Variants in MCTP1 observed in about 807,000 individuals in gnomAD.
MCTP1 encodes the protein multiple C2 and transmembrane domain containing 1, also known as multiple C2 and transmembrane domain-containing protein 1.
MCTP1 carries 69 observed loss-of-function variants against 120.6 expected under a neutral mutation model. The ratio of observed to expected loss-of-function variants is 0.57; its 90% CI spans 0.47 to 0.70. The LOEUF is 0.70. Among genes scored for constraint, MCTP1 ranks in the 30% least tolerant of loss-of-function variants. The probability of loss-of-function intolerance (pLI) is 0.00; values close to 1 mark genes in which losing one functional copy is unlikely to be tolerated. For missense variants in MCTP1, 1,203 were observed against 1,248.8 expected, an observed-to-expected ratio of 0.96 and a Z score of 0.55; for synonymous variants, 529 against 493.1, an observed-to-expected ratio of 1.07 and a Z score of -0.96.
At chr5:94,953,460 G>C (rs775840470) in intron 2 of MCTP1, 99 bp from the exon 3 acceptor site, 30 of 961,434 alleles carry the variant, frequency 3.1e-5, no homozygotes, top group Non-Finnish European at 3.1e-5. Context: ...AGGAAGAAAA[G>C]TTAAATGAAA....
intron 17 of MCTP1, among the ~76,000 whole-genome samples, chr5:94,845,432 C>T (rs566289436): frequency 1.1e-4 from 17 of 152,286 alleles, no homozygotes; most frequent in African/African-American, 2.9e-4. Flanking sequence ...CTCCAAGACA[C>T]GTGGGGATTA....
At chr5:95,168,169 CTGTTTT>C (rs1746690769) in intron 1 of MCTP1, among the ~76,000 whole-genome samples, 1 of 152,078 alleles carries the variant, frequency 6.6e-6, no homozygotes, top group South Asian at 2.1e-4. Context: ...TCCCCATTTC[CTGTTTT>C]TGTCAGGTTT....
chr5:94,736,173 A>G (rs1764189894), intron 19 of MCTP1, among the ~76,000 whole-genome samples: 1 of 152,254 alleles, frequency 6.6e-6, no homozygotes, highest in African/African-American at 2.4e-5. Context: ...CAATATTGCT[A>G]TGGTAGCACA....
intron 1 of MCTP1, among the ~76,000 whole-genome samples, chr5:95,194,675 C>T (rs914731926): frequency 2.0e-5 from 3 of 152,100 alleles, no homozygotes; most frequent in Admixed American, 6.5e-5. Flanking sequence ...ATGACACCCA[C>T]GTGAAAGAAA....
At chr5:95,277,942 A>G (rs560022169) in intron 1 of MCTP1, among the ~76,000 whole-genome samples, 1 of 152,268 alleles carries the variant, frequency 6.6e-6, no homozygotes, top group South Asian at 2.1e-4. Flanking sequence ...ACAGTTTTCC[A>G]TATTGCAATA....
At chr5:94,863,865 G>C (rs1041860097) in intron 17 of MCTP1, among the ~76,000 whole-genome samples, 1 of 151,064 alleles carries the variant, frequency 6.6e-6, no homozygotes, top group African/African-American at 2.4e-5. Context: ...GCTGCCTCAT[G>C]TCATTCTTTG....
intron 1 of MCTP1, among the ~76,000 whole-genome samples, chr5:95,215,072 T>C (rs1752886292): frequency 6.6e-6 from 1 of 152,202 alleles, no homozygotes; most frequent in Admixed American, 6.5e-5. Flanking sequence ...TAATTGTCTC[T>C]TTGCCCATAA....
At chr5:94,998,915 T>C (rs1400784556) in intron 2 of MCTP1, among the ~76,000 whole-genome samples, 2 of 152,148 alleles carry the variant, frequency 1.3e-5, no homozygotes, top group Non-Finnish European at 2.9e-5. Flanking sequence ...AATGCCACTG[T>C]TTCCTTCCCT....
intron 22 of MCTP1, 115 bp from the exon 23 acceptor site, chr5:94,707,682 C>A: frequency 4.1e-6 from 3 of 737,228 alleles, no homozygotes; most frequent in Non-Finnish European, 7.2e-6. Context: ...ACTCTAGAAG[C>A]TGTATGGGAT....
intron 1 of MCTP1, among the ~76,000 whole-genome samples, chr5:95,190,237 G>T (rs1056657338): frequency 2.6e-5 from 4 of 152,050 alleles, no homozygotes; most frequent in African/African-American, 9.7e-5. Context: ...TGGAAATTCT[G>T]ATGTCCTGAC....
At position 94,705,498 on chromosome 5, in the gene MCTP1, C is replaced by G. The variant is rs1417462612; in HGVS notation, c.*1998G>C. On this transcript the variant is annotated 3_prime_UTR_variant, in exon 23 of 23. Coordinates refer to ENST00000515393, the MANE Select transcript of MCTP1 (RefSeq NM_024717.7). ...TATGCACACAATCCCTCATCAATCT[C>G]TGAACCACCAAAAAAAAAAAAAAAA... The G allele has an allele frequency of 1.6e-5, 2 of 127,524 alleles. No homozygotes were observed. Among genetic ancestry groups the G allele is most frequent in the African/African-American group, 5.9e-5 (2 of 33,822 alleles). The allele number at this position is 127,524 out of a possible 1,614,324, so 7.9% of individuals were successfully genotyped here.
chr5:94,789,648 T>C (rs1778475892), intron 18 of MCTP1: 1 of 152,184 alleles, frequency 6.6e-6, no homozygotes, highest in Non-Finnish European at 1.5e-5. Context: ...CTCACACACA[T>C]ATATCTGGGA....
At chr5:94,977,988 G>A (rs1828501135) in intron 2 of MCTP1, among the ~76,000 whole-genome samples, 1 of 152,010 alleles carries the variant, frequency 6.6e-6, no homozygotes, top group Non-Finnish European at 1.5e-5. Flanking sequence ...TAAGGGGTTA[G>A]TTTCCAATAT....
intron 1 of MCTP1, among the ~76,000 whole-genome samples, chr5:95,243,192 A>T (rs1182184594): frequency 6.6e-6 from 1 of 152,242 alleles, no homozygotes; most frequent in Non-Finnish European, 1.5e-5. Context: ...ATTCCCAATG[A>T]TAAGAAAAGA....
chr5:94,920,863 C>T (rs1472485961), intron 7 of MCTP1, among the ~76,000 whole-genome samples: 3 of 151,956 alleles, frequency 2.0e-5, no homozygotes, highest in Admixed American at 6.5e-5. Context: ...GACCGGAAGG[C>T]GGTACTCTGA....
intron 17 of MCTP1, among the ~76,000 whole-genome samples, chr5:94,862,398 C>CA (rs1276177943): frequency 6.6e-6 from 1 of 151,552 alleles, no homozygotes; most frequent in African/African-American, 2.4e-5. Context: ...TTAAAATAAA[C>CA]AAAAAAGGGC....
intron 1 of MCTP1, among the ~76,000 whole-genome samples, chr5:95,259,433 C>T (rs1365528637): frequency 6.6e-6 from 1 of 152,066 alleles, no homozygotes; most frequent in African/African-American, 2.4e-5. Flanking sequence ...TCCATATAGC[C>T]CCCCACTTTG....
chr5:94,841,735 C>A (rs1791094325), intron 17 of MCTP1, among the ~76,000 whole-genome samples: 1 of 152,140 alleles, frequency 6.6e-6, no homozygotes, highest in African/African-American at 2.4e-5. Flanking sequence ...ATTCAGGAAT[C>A]CAACTAGATT....
chr5:94,885,755 G>C (rs1981847), intron 12 of MCTP1, among the ~76,000 whole-genome samples: 11,182 of 152,152 alleles, frequency 0.073, 430 homozygotes, highest in Non-Finnish European at 0.086. Flanking sequence ...TCACTGGTTA[G>C]TTGAAAGGTA....
Sources: gnomAD v4.1 joint callset for allele counts (sites outside exome capture counted in the v4.1 genomes callset) on GRCh38, gnomAD v4.1.1 for gene constraint, MANE v1.5 for transcripts, NCBI Gene and HGNC (gene_info 2026-07-23, HGNC 2026-07-21) for gene names.